The following KDM4F variants were observed in gnomAD, a reference collection of about 807,000 sequenced individuals.
KDM4F encodes the protein probable lysine-specific demethylase 4F.
For synonymous variants in KDM4F, 223 were observed against 184.4 expected, an observed-to-expected ratio of 1.21 and a Z score of -1.70; for missense variants, 586 against 496.4, an observed-to-expected ratio of 1.18 and a Z score of -1.71.
At chr11:95,050,810 A>T (rs1470131458) in exon 1 of KDM4F, 1 of 603,636 alleles carries the variant, frequency 1.7e-6, no homozygotes, top group Non-Finnish European at 3.0e-6. Flanking sequence ...GGCGCCTCTC[A>T]GTGGGGACAG....
At chr11:95,049,740 T>G in exon 1 of KDM4F, 2 of 1,605,276 alleles carry the variant, frequency 1.2e-6, no homozygotes, top group Non-Finnish European at 1.7e-6. Flanking sequence ...CAGTAAAAAA[T>G]ATCAGACTCC....
chr11:95,050,122 G>T, exon 1 of KDM4F: 1 of 1,563,258 alleles, frequency 6.4e-7, no homozygotes, highest in East Asian at 2.2e-5. Context: ...AATTCCCGGG[G>T]CTGTGAGGGC....
exon 1 of KDM4F, chr11:95,051,135 G>A: frequency 2.5e-6 from 1 of 400,460 alleles, no homozygotes. Context: ...GGTGAATCTG[G>A]CCAAGGTTGT....
chr11:95,049,494 T>C (rs564294671), exon 1 of KDM4F: 687 of 1,569,582 alleles, frequency 4.4e-4, no homozygotes, highest in Middle Eastern at 8.3e-4. Context: ...CATGGAAGAA[T>C]TTGCAGATTT....
exon 1 of KDM4F, chr11:95,051,019 A>G: frequency 2.3e-6 from 1 of 437,522 alleles, no homozygotes; most frequent in Non-Finnish European, 4.0e-6. Flanking sequence ...CTATCCCTCG[A>G]CAGCACTGCT....
chr11:95,050,279 C>T (rs1353252284), exon 1 of KDM4F: 32 of 1,471,638 alleles, frequency 2.2e-5, no homozygotes, highest in Admixed American at 1.0e-4. Context: ...GCTTCAACTG[C>T]GCAGAGGCCA....
At chr11:95,050,632 G>A (rs1858501932) in exon 1 of KDM4F, 2 of 624,142 alleles carry the variant, frequency 3.2e-6, no homozygotes, top group African/African-American at 3.6e-5. Flanking sequence ...GCTGTGCCTG[G>A]ATCTGCAATC....
chr11:95,050,838 C>G, exon 1 of KDM4F: 2 of 551,606 alleles, frequency 3.6e-6, no homozygotes, highest in East Asian at 2.9e-5. Context: ...AGCTCCAGGC[C>G]GCAAACCTCA....
At chr11:95,049,886 A>G (rs943937095) in exon 1 of KDM4F, 50 of 1,610,436 alleles carry the variant, frequency 3.1e-5, no homozygotes, top group Non-Finnish European at 4.2e-5. Context: ...GACACCTGGG[A>G]ACAATTCTGG....
At position 95,050,674 on chromosome 11, in the gene KDM4F, C is replaced by T. The variant is rs1394443102; in HGVS notation, c.1253C>T (p.Pro418Leu). The change falls in exon 1 of 1, where the codon CCC becomes CTC. Residue 418 changes from proline (P) to leucine (L), a missense_variant. Physicochemically the swap from Pro to Leu is moderately conservative, Grantham distance 98. Transcript: ENST00000545950. Reference sequence around the variant, plus strand: ...CTGGAGACGTCAGCCTGGGTTCTTCCCCCTTCCACTGGAAGGTGGGGTCCT... The same window carrying T: ...CTGGAGACGTCAGCCTGGGTTCTTCTCCCTTCCACTGGAAGGTGGGGTCCT... 5 of 618,710 alleles carry T rather than the reference C, an allele frequency of 8.1e-6. No individual in the cohort carries two copies. In the Admixed American group the frequency reaches 8.1e-5, roughly 10 times the overall value. The allele number at this position is 618,710 out of a possible 1,614,324, so 38.3% of individuals were successfully genotyped here. A position where few individuals can be genotyped will look rare whatever the true frequency, so the allele number is the denominator to read the frequency against.
At chr11:95,050,510 A>G in exon 1 of KDM4F, 1 of 711,378 alleles carries the variant, frequency 1.4e-6, no homozygotes, top group Non-Finnish European at 2.5e-6. Flanking sequence ...AGGACATAGC[A>G]CTTAGGAGAG....
At chr11:95,049,742 T>A in the KDM4F span, 2 of 1,605,262 alleles carry the variant, frequency 1.2e-6, no homozygotes, top group Non-Finnish European at 1.7e-6. Flanking sequence ...GTAAAAAATA[T>A]CAGACTCCGC....
chr11:95,049,863 C>T, the KDM4F span: 2 of 1,607,438 alleles, frequency 1.2e-6, no homozygotes, highest in Non-Finnish European at 1.7e-6. Flanking sequence ...AAGCACTAAA[C>T]AATGGAACCT....
exon 1 of KDM4F, chr11:95,050,374 T>G: frequency 1.0e-6 from 1 of 1,002,730 alleles, no homozygotes. Flanking sequence ...ACCTTTTCCA[T>G]GGATGCCTTC....
exon 1 of KDM4F, chr11:95,051,117 A>G: frequency 2.5e-6 from 1 of 400,866 alleles, no homozygotes; most frequent in Non-Finnish European, 4.4e-6. Flanking sequence ...TGGAGACTGG[A>G]AATCCCCGGT....
rs1288545574 is a variant in KDM4F, at chr11:95,050,657, G to C, written c.1236G>C (p.Thr412=). The change falls in exon 1 of 1, where the codon ACG becomes ACC. Residue 412 remains threonine (T), a synonymous_variant. Coordinates refer to ENST00000545950, the Ensembl canonical transcript of KDM4F. ...GATCTGCAATCCAAGCCCTGGAGAC[G>C]TCAGCCTGGGTTCTTCCCCCTTCCA... is the stretch of plus-strand genomic sequence containing the variant. 11 of 617,878 alleles carry C rather than the reference G, an allele frequency of 1.8e-5. No individual in the cohort carries two copies. In the East Asian group the frequency reaches 2.2e-4, roughly 12 times the overall value. The allele number at this position is 617,878 out of a possible 1,614,324, so 38.3% of individuals were successfully genotyped here. A position where few individuals can be genotyped will look rare whatever the true frequency, so the allele number is the denominator to read the frequency against.
exon 1 of KDM4F, chr11:95,050,023 T>G: frequency 1.2e-6 from 2 of 1,613,972 alleles, no homozygotes; most frequent in Non-Finnish European, 1.7e-6. Flanking sequence ...ATCAACTACC[T>G]GCACTTTGGG....
At chr11:95,049,605 G>A in exon 1 of KDM4F, 1 of 1,599,582 alleles carries the variant, frequency 6.3e-7, no homozygotes, top group Non-Finnish European at 8.5e-7. Context: ...GATGTATGAT[G>A]ATATTGAAGA....
At chr11:95,050,469 G>A in exon 1 of KDM4F, 1 of 749,834 alleles carries the variant, frequency 1.3e-6, no homozygotes, top group Non-Finnish European at 2.4e-6. Flanking sequence ...GCCCAGGGTT[G>A]CAGAAAGCCA....
Sources: allele counts gnomAD v4.1 joint callset, GRCh38; gene constraint gnomAD v4.1.1; transcripts MANE v1.5; gene names NCBI Gene and HGNC (gene_info 2026-07-23, HGNC 2026-07-21).